The following AEBP2 variants were observed in gnomAD, a reference collection of about 807,000 sequenced individuals.
The protein encoded by AEBP2 is zinc finger protein AEBP2.
AEBP2 carries 10 observed loss-of-function variants against 50.8 expected under a neutral mutation model. The observed-to-expected ratio is 0.20, with a 90% CI of 0.12 to 0.33. The LOEUF (loss-of-function observed/expected upper bound fraction) is 0.33. AEBP2 is among the 10% of genes least tolerant of loss of function. AEBP2 has a pLI of 1.00. For synonymous variants in AEBP2, 296 were observed against 261.3 expected (o/e 1.13, Z -1.28); for missense variants, 570 against 688.0 (o/e 0.83, Z 1.92).
intron 1 of AEBP2, chr12:19,456,375 G>T: frequency 7.3e-7 from 1 of 1,366,162 alleles, no homozygotes; most frequent in Non-Finnish European, 1.0e-6. Context: ...GCGACCCAGA[G>T]GTGGGTAGTC....
At chr12:19,489,989 A>ATTTT (rs1322704249) in intron 3 of AEBP2, among the ~76,000 whole-genome samples, 1 of 95,374 alleles carries the variant, frequency 1.0e-5, no homozygotes, top group African/African-American at 4.2e-5. Context: ...ATTAAAATAA[A>ATTTT]CTTTTTTTTT....
intron 1 of AEBP2, among the ~76,000 whole-genome samples, chr12:19,461,151 G>A (rs1039473984): frequency 1.3e-5 from 2 of 152,168 alleles, no homozygotes; most frequent in Non-Finnish European, 2.9e-5. Flanking sequence ...CCTCTTTAAA[G>A]TTAATATAAT....
intron 1 of AEBP2, among the ~76,000 whole-genome samples, chr12:19,415,557 T>C (rs2095742059): frequency 6.6e-6 from 1 of 151,142 alleles, no homozygotes; most frequent in East Asian, 1.9e-4. Flanking sequence ...TGATGAATGT[T>C]AGAAATCAGA....
intron 1 of AEBP2, among the ~76,000 whole-genome samples, chr12:19,443,009 C>T (rs545397353): frequency 2.0e-5 from 3 of 152,232 alleles, no homozygotes; most frequent in East Asian, 3.9e-4. Flanking sequence ...TTATAATGCC[C>T]ATTTACCTTT....
intron 1 of AEBP2, chr12:19,456,276 T>A: frequency 6.5e-7 from 1 of 1,527,052 alleles, no homozygotes; most frequent in Non-Finnish European, 9.0e-7. Flanking sequence ...CTGGGCAGAT[T>A]TGGTGACCTT....
intron 1 of AEBP2, among the ~76,000 whole-genome samples, chr12:19,427,560 C>T (rs996565010): frequency 5.3e-5 from 8 of 150,732 alleles, no homozygotes; most frequent in Non-Finnish European, 1.2e-4. Flanking sequence ...TCCTGGTTCT[C>T]CAGCTTGTAG....
intron 3 of AEBP2, among the ~76,000 whole-genome samples, chr12:19,484,835 T>C (rs1948784556): frequency 6.6e-6 from 1 of 152,194 alleles, no homozygotes; most frequent in Non-Finnish European, 1.5e-5. Flanking sequence ...AATGAATAAG[T>C]AAATCAATGG....
intron 5 of AEBP2, among the ~76,000 whole-genome samples, chr12:19,510,838 G>C (rs1434340653): frequency 6.9e-6 from 1 of 144,538 alleles, no homozygotes; most frequent in African/African-American, 2.6e-5. Flanking sequence ...CTGTAATTCT[G>C]CAGTACATCG....
chr12:19,508,246 A>C (rs1390065216), intron 5 of AEBP2, among the ~76,000 whole-genome samples: 1 of 152,212 alleles, frequency 6.6e-6, no homozygotes, highest in Non-Finnish European at 1.5e-5. Flanking sequence ...TAAAAACTAG[A>C]AACGGGGATT....
chr12:19,511,117 G>A (rs10841251), intron 5 of AEBP2, among the ~76,000 whole-genome samples: 24,370 of 151,882 alleles, frequency 0.16, 3,395 homozygotes, highest in African/African-American at 0.37. Flanking sequence ...TATTGCAGGC[G>A]TGAGCTACTG....
chr12:19,445,208 A>G (rs1039850723), intron 1 of AEBP2, among the ~76,000 whole-genome samples: 1 of 149,960 alleles, frequency 6.7e-6, no homozygotes, highest in South Asian at 2.1e-4. Context: ...CAGATGCTTT[A>G]TTTTTTTTGA....
intron 1 of AEBP2, chr12:19,456,313 C>G: frequency 6.8e-7 from 1 of 1,480,308 alleles, no homozygotes; most frequent in South Asian, 1.1e-5. Context: ...TTCTTGTTCA[C>G]TGCTTTGATG....
At chr12:19,425,052 A>T (rs555934634) in intron 1 of AEBP2, among the ~76,000 whole-genome samples, 1 of 152,236 alleles carries the variant, frequency 6.6e-6, no homozygotes, top group African/African-American at 2.4e-5. Flanking sequence ...AGTAGCTTAA[A>T]TAAGATAGAG....
At chr12:19,484,829 A>T (rs1948784420) in intron 3 of AEBP2, among the ~76,000 whole-genome samples, 1 of 152,182 alleles carries the variant, frequency 6.6e-6, no homozygotes, top group African/African-American at 2.4e-5. Flanking sequence ...TAAATGAATG[A>T]ATAAGTAAAT....
chr12:19,456,560 G>A, intron 1 of AEBP2: 1 of 1,537,388 alleles, frequency 6.5e-7, no homozygotes, highest in Non-Finnish European at 9.0e-7. Context: ...CCAGTACAGG[G>A]GCATAGCCAG....
chr12:19,481,775 A>T (rs927271862), intron 3 of AEBP2, among the ~76,000 whole-genome samples: 4 of 152,146 alleles, frequency 2.6e-5, no homozygotes, highest in Non-Finnish European at 5.9e-5. Flanking sequence ...CACGGTGCCC[A>T]GCCTCCAGTG....
chr12:19,456,559 G>A, intron 1 of AEBP2: 5 of 1,537,444 alleles, frequency 3.3e-6, no homozygotes, highest in Non-Finnish European at 4.5e-6. Flanking sequence ...TCCAGTACAG[G>A]GGCATAGCCA....
At chr12:19,449,973 A>G (rs1948138427) in intron 1 of AEBP2, among the ~76,000 whole-genome samples, 1 of 152,220 alleles carries the variant, frequency 6.6e-6, no homozygotes, top group Non-Finnish European at 1.5e-5. Context: ...CCTTAGATGA[A>G]TAAGAAGGGC....
intron 3 of AEBP2, among the ~76,000 whole-genome samples, chr12:19,474,001 G>A (rs972569804): frequency 1.3e-5 from 2 of 151,914 alleles, no homozygotes; most frequent in African/African-American, 4.8e-5. Flanking sequence ...TATTGTTAAA[G>A]GTTTCGGCAT....
Sources: gnomAD v4.1 joint callset for allele counts (sites outside exome capture counted in the v4.1 genomes callset) on GRCh38, gnomAD v4.1.1 for gene constraint, MANE v1.5 for transcripts, NCBI Gene and HGNC (gene_info 2026-07-23, HGNC 2026-07-21) for gene names.